The following ADAMTSL1 variants were observed in gnomAD, a reference collection of about 807,000 sequenced individuals.
ADAMTSL1 encodes the protein ADAMTS-like protein 1.
ADAMTSL1 carries 126 observed loss-of-function variants against 201.8 expected under a neutral mutation model. The observed-to-expected ratio is 0.62, with a 90% CI of 0.54 to 0.72. The LOEUF is 0.72. Among genes scored for constraint, ADAMTSL1 ranks in the 30% least tolerant of loss-of-function variants. The pLI is 0.00. For synonymous variants in ADAMTSL1, 1,121 were observed against 903.4 expected (o/e 1.24, Z -4.32); for missense variants, 2,679 against 2,277.8 (o/e 1.18, Z -3.59).
At chr9:18,059,012 C>A (rs1449391704) in intron 1 of ADAMTSL1, among the ~76,000 whole-genome samples, 1 of 152,220 alleles carries the variant, frequency 6.6e-6, no homozygotes, top group Non-Finnish European at 1.5e-5. Context: ...TAAGCCTAAG[C>A]AATCACATCA....
chr9:18,649,997 G>C (rs1828108899), intron 7 of ADAMTSL1, among the ~76,000 whole-genome samples: 1 of 152,324 alleles, frequency 6.6e-6, no homozygotes, highest in South Asian at 2.1e-4. Flanking sequence ...ATCAGAGGTG[G>C]AGCCTACAGA....
chr9:18,379,315 G>C (rs529197216), intron 2 of ADAMTSL1, among the ~76,000 whole-genome samples: 3 of 152,312 alleles, frequency 2.0e-5, no homozygotes, highest in African/African-American at 7.2e-5. Context: ...CAATCTACCT[G>C]AGTCAGGGTA....
intron 16 of ADAMTSL1, 36 bp from the exon 17 acceptor site, chr9:18,770,566 G>A: frequency 1.3e-6 from 2 of 1,575,752 alleles, no homozygotes; most frequent in Non-Finnish European, 8.6e-7. Context: ...CCCATATTGG[G>A]TCTACTTTTT....
rs148180911 is a variant in ADAMTSL1 at position 17,927,410 on chromosome 9, A to G, written c.87+20488A>G. 9.7e-3 allele frequency among the ~76,000 whole-genome samples: 1,465 copies of G among 151,290 alleles called. 21 individuals are homozygous for G. The highest frequency in any genetic ancestry group is 0.034 in the African/African-American group (1,407 of 41,228). On this transcript the variant is annotated intron_variant, in intron 1 of 29. Transcript: ENST00000680146. ...CATATACGTACATATATACATATGTATGTGTATATACATGTATACATATAT... is the reference window on the plus strand; with the variant it reads ...CATATACGTACATATATACATATGTGTGTGTATATACATGTATACATATAT...
At chr9:18,071,926 T>C (rs1822988073) in intron 1 of ADAMTSL1, among the ~76,000 whole-genome samples, 1 of 152,194 alleles carries the variant, frequency 6.6e-6, no homozygotes, top group African/African-American at 2.4e-5. Flanking sequence ...CTCAGTTTCA[T>C]CTCCATTAGA....
At chr9:18,706,691 A>T (rs1396240540) in intron 13 of ADAMTSL1, 56 bp from the exon 14 acceptor site, 2 of 1,502,994 alleles carry the variant, frequency 1.3e-6, no homozygotes, top group Non-Finnish European at 1.8e-6. Flanking sequence ...CACAGCCCCC[A>T]TGGCTTCCTG....
chr9:18,769,078 A>T (rs1820532251), intron 16 of ADAMTSL1, among the ~76,000 whole-genome samples: 2 of 152,138 alleles, frequency 1.3e-5, no homozygotes, highest in African/African-American at 4.8e-5. Flanking sequence ...TCCCCAGGAG[A>T]CCTTGAGGTG....
intron 16 of ADAMTSL1, among the ~76,000 whole-genome samples, chr9:18,764,350 T>C (rs1820243923): frequency 6.6e-6 from 1 of 152,244 alleles, no homozygotes; most frequent in African/African-American, 2.4e-5. Flanking sequence ...ACCCTACAAA[T>C]TTACTGAATT....
chr9:18,613,754 C>G (rs1288809584), intron 4 of ADAMTSL1, among the ~76,000 whole-genome samples: 1 of 151,978 alleles, frequency 6.6e-6, no homozygotes, highest in Non-Finnish European at 1.5e-5. Flanking sequence ...AGAGGAGGGA[C>G]AGGATCAGAA....
intron 23 of ADAMTSL1, among the ~76,000 whole-genome samples, chr9:18,873,723 G>A (rs559456610): frequency 5.3e-5 from 8 of 152,212 alleles, no homozygotes; most frequent in East Asian, 3.9e-4. Context: ...TTGAAGTCAC[G>A]TAATGTGATG....
chr9:18,815,996 G>A (rs1823826357), intron 20 of ADAMTSL1, among the ~76,000 whole-genome samples: 1 of 151,956 alleles, frequency 6.6e-6, no homozygotes, highest in Non-Finnish European at 1.5e-5. Context: ...TCATTTCTTT[G>A]TGGTCAGGAC....
At chr9:18,241,073 C>T (rs1411098121) in intron 2 of ADAMTSL1, among the ~76,000 whole-genome samples, 4 of 152,098 alleles carry the variant, frequency 2.6e-5, no homozygotes, top group African/African-American at 4.8e-5. Context: ...GTTTCTTATT[C>T]CTGTGTTCAC....
intron 2 of ADAMTSL1, among the ~76,000 whole-genome samples, chr9:18,344,564 T>C (rs1004407434): frequency 1.3e-5 from 2 of 152,140 alleles, no homozygotes; most frequent in African/African-American, 4.8e-5. Flanking sequence ...AGGCTCTTGT[T>C]GATGGTAATG....
At chr9:18,615,568 C>A (rs973304537) in intron 4 of ADAMTSL1, among the ~76,000 whole-genome samples, 2 of 152,206 alleles carry the variant, frequency 1.3e-5, no homozygotes, top group East Asian at 1.9e-4. Context: ...AATTTATAGT[C>A]AAAAAATCTC....
At chr9:17,992,131 G>C (rs978846595) in intron 1 of ADAMTSL1, among the ~76,000 whole-genome samples, 1 of 152,100 alleles carries the variant, frequency 6.6e-6, no homozygotes, top group Admixed American at 6.5e-5. Flanking sequence ...TGGGTATAGA[G>C]AGAGCAGAGA....
At chr9:17,990,420 C>T (rs1185280603) in intron 1 of ADAMTSL1, among the ~76,000 whole-genome samples, 1 of 152,024 alleles carries the variant, frequency 6.6e-6, no homozygotes, top group African/African-American at 2.4e-5. Flanking sequence ...CAGTTTGTTG[C>T]CACAAAATAG....
chr9:18,889,299 TACTTTC>T (rs1408339876), intron 24 of ADAMTSL1, among the ~76,000 whole-genome samples: 5 of 152,254 alleles, frequency 3.3e-5, no homozygotes, highest in African/African-American at 1.2e-4. Context: ...TGAGCTACTT[TACTTTC>T]ATTATTTCCT....
At chr9:18,769,988 A>G (rs1820596282) in intron 16 of ADAMTSL1, among the ~76,000 whole-genome samples, 1 of 152,182 alleles carries the variant, frequency 6.6e-6, no homozygotes, top group Non-Finnish European at 1.5e-5. Context: ...TTCCTCTGAA[A>G]ACCACTGACA....
At chr9:18,508,349 T>C (rs148642946) in intron 2 of ADAMTSL1, among the ~76,000 whole-genome samples, 39 of 152,306 alleles carry the variant, frequency 2.6e-4, no homozygotes, top group African/African-American at 9.4e-4. Flanking sequence ...TCTCCTTTTT[T>C]GTGTGTAATG....
Sources: allele counts gnomAD v4.1 joint callset (sites outside exome capture counted in the v4.1 genomes callset), GRCh38; gene constraint gnomAD v4.1.1; transcripts MANE v1.5; gene names NCBI Gene and HGNC (gene_info 2026-07-23, HGNC 2026-07-21).